SCN3A: variants seen among roughly 807,000 people sequenced by gnomAD.
SCN3A encodes the protein sodium voltage-gated channel alpha subunit 3.
Under a neutral mutation model 187.6 loss-of-function variants are expected in SCN3A, and 60 were observed. The observed-to-expected ratio is 0.32, with a 90% CI of 0.26 to 0.40. The LOEUF is 0.40. SCN3A is among the 10% of genes least tolerant of loss of function. The pLI, the probability that SCN3A is intolerant of heterozygous loss-of-function variation, is 1.00. For missense variants in SCN3A, 1,601 were observed against 2,428.2 expected (o/e 0.66, Z 7.16); for synonymous variants, 788 against 829.2 (o/e 0.95, Z 0.85).
intron 11 of SCN3A, among the ~76,000 whole-genome samples, chr2:165,153,350 A>C (rs917221933): frequency 6.6e-6 from 1 of 152,178 alleles, no homozygotes; most frequent in African/African-American, 2.4e-5. Flanking sequence ...AAGAAAATTT[A>C]GAAGAAAATA....
At chr2:165,159,096 A>G (rs1033973124) in intron 9 of SCN3A, among the ~76,000 whole-genome samples, 1 of 137,972 alleles carries the variant, frequency 7.2e-6, no homozygotes, top group Non-Finnish European at 1.5e-5. Context: ...CTGCATCCTC[A>G]TCAGAAGTTG....
At chr2:165,111,758 A>G (rs2105703283) in intron 21 of SCN3A, among the ~76,000 whole-genome samples, 1 of 152,318 alleles carries the variant, frequency 6.6e-6, no homozygotes, top group Middle Eastern at 3.4e-3. Flanking sequence ...ATGTGAAAAT[A>G]CTAAGTTTCC....
intron 12 of SCN3A, among the ~76,000 whole-genome samples, chr2:165,146,382 A>ATGTG (rs5836018): frequency 0.012 from 1,253 of 107,848 alleles, 9 homozygotes; most frequent in African/African-American, 0.031. Flanking sequence ...ATATATATAT[A>ATGTG]TGTGTGTGTG....
rs1553538414 is a variant in SCN3A at position 165,170,490 on chromosome 2, A to T, written c.323T>A (p.Leu108Ter). The change falls in exon 4 of 28, where the codon TTG (leucine) becomes TAG (stop). Residue 108 changes from leucine (L) to a stop codon, truncating the protein, a stop_gained. Coordinates refer to ENST00000283254, the MANE Select transcript of SCN3A (RefSeq NM_006922.4). LOFTEE classifies it high-confidence loss of function. ...AIFRFSATSA[L>*]YILTPLNPVR... Reference sequence around the variant, plus strand: ...AGGGTTTAGTGGAGTTAAAATATACAAGGCAGAGGTGGCACTGAATCGGAA... The same window carrying T: ...AGGGTTTAGTGGAGTTAAAATATACTAGGCAGAGGTGGCACTGAATCGGAA... 1 of 1,611,784 alleles carries T rather than the reference A, an allele frequency of 6.2e-7. No individual in the cohort carries two copies. The highest frequency in any genetic ancestry group is 8.5e-7 in the Non-Finnish European group (1 of 1,178,470).
At chr2:165,116,433 A>G (rs1397410288) in intron 18 of SCN3A, among the ~76,000 whole-genome samples, 2 of 152,236 alleles carry the variant, frequency 1.3e-5, no homozygotes, top group African/African-American at 2.4e-5. Context: ...ACTTGGGAAG[A>G]CAGGATTGTG....
chr2:165,189,059 T>C (rs1166662142), intron 1 of SCN3A, among the ~76,000 whole-genome samples: 1 of 152,170 alleles, frequency 6.6e-6, no homozygotes, highest in Admixed American at 6.5e-5. Flanking sequence ...TTTGGTGTAA[T>C]GTCCCCAGTA....
intron 18 of SCN3A, among the ~76,000 whole-genome samples, chr2:165,122,364 C>T (rs922205809): frequency 6.7e-6 from 1 of 150,302 alleles, no homozygotes; most frequent in Non-Finnish European, 1.5e-5. Flanking sequence ...CTGAAAGTGG[C>T]AGTACTATCA....
At chr2:165,200,280 T>G (rs1025273740) in intron 1 of SCN3A, among the ~76,000 whole-genome samples, 1 of 152,084 alleles carries the variant, frequency 6.6e-6, no homozygotes, top group African/African-American at 2.4e-5. Context: ...AATATTAAGG[T>G]GCGAATGAAT....
intron 6 of SCN3A, 188 bp from the exon 7 acceptor site, chr2:165,163,897 C>A: frequency 1.2e-6 from 2 of 1,612,764 alleles, no homozygotes. Context: ...TACATACCTG[C>A]AGAATTAAAT....
At chr2:165,188,908 G>A (rs541669472) in intron 1 of SCN3A, among the ~76,000 whole-genome samples, 1 of 152,098 alleles carries the variant, frequency 6.6e-6, no homozygotes, top group African/African-American at 2.4e-5. Flanking sequence ...GTCTGAGGTA[G>A]GGTCGAGGGA....
Position 165,118,392 on chromosome 2 carries a change from C to G in SCN3A, c.3394-2817G>C, listed in dbSNP as rs1369452799. ...ATAATCTTCCAGGCTCTAGAAAGCC[C>G]CTCAAGGAATGCTCAGAGGGAATCT... On this transcript the variant is annotated intron_variant, in intron 18 of 27. Transcript: ENST00000283254. 2.0e-5 allele frequency among the ~76,000 whole-genome samples: 3 copies of G among 152,118 alleles called. No homozygotes were observed. In the East Asian group the frequency reaches 5.8e-4, roughly 29 times the overall value.
intron 21 of SCN3A, among the ~76,000 whole-genome samples, chr2:165,105,639 A>T (rs1685814725): frequency 6.6e-6 from 1 of 152,136 alleles, no homozygotes; most frequent in African/African-American, 2.4e-5. Context: ...TAAGGTGTAC[A>T]GCAGGAATAG....
rs145857779 is a variant in SCN3A, at chr2:165,127,381, C to T, written c.3393+250G>A. Among the ~76,000 whole-genome samples, 680 of 152,218 alleles carry T rather than the reference C, an allele frequency of 4.5e-3. 2 individuals are homozygous for T. Among genetic ancestry groups the T allele is most frequent in the African/African-American group, 0.016 (649 of 41,536 alleles). ...CAGCCTAAAAGGCCACATTTTTTAA[C>T]CACATTTTCAAATGATCAAGAAAAT... is the stretch of plus-strand genomic sequence containing the variant. On this transcript the variant is annotated intron_variant, in intron 18 of 27. Transcript: ENST00000283254.
At chr2:165,136,614 C>A (rs568349481) in intron 15 of SCN3A, among the ~76,000 whole-genome samples, 3 of 152,208 alleles carry the variant, frequency 2.0e-5, no homozygotes, top group Non-Finnish European at 4.4e-5. Context: ...TTCCACTCCA[C>A]TGCAAAGTCT....
intron 21 of SCN3A, among the ~76,000 whole-genome samples, 194 bp downstream of exon 21, chr2:165,112,691 C>T (rs1206095597): frequency 6.6e-6 from 1 of 152,146 alleles, no homozygotes; most frequent in East Asian, 1.9e-4. Context: ...TTTGCTCTTA[C>T]CACTGCCCAT....
chr2:165,164,636 CCTTA>C (rs1689624394), intron 5 of SCN3A, 116 bp from the exon 6 acceptor site: 6 of 1,159,718 alleles, frequency 5.2e-6, no homozygotes, highest in South Asian at 1.4e-5. Flanking sequence ...AAATATTGTT[CCTTA>C]CTTCTATTTA....
At chr2:165,109,806 A>T (rs974216479) in intron 21 of SCN3A, among the ~76,000 whole-genome samples, 3 of 152,212 alleles carry the variant, frequency 2.0e-5, no homozygotes, top group Non-Finnish European at 4.4e-5. Context: ...TAATGTTAAC[A>T]TATATGATGT....
At chr2:165,166,105 C>A (rs1316360360) in intron 5 of SCN3A, among the ~76,000 whole-genome samples, 2 of 152,118 alleles carry the variant, frequency 1.3e-5, no homozygotes, top group Admixed American at 6.6e-5. Context: ...GTGGTTAGTG[C>A]CCTGTGGTTT....
Position 165,092,234 on chromosome 2 carries a change from G to C in SCN3A, c.4807+20C>G, listed in dbSNP as rs1245219667. The C allele has an allele frequency of 6.2e-7, 1 of 1,611,684 alleles. No homozygotes were observed. ...CTGTTTCTCTGTAACTATACCTCTTGGTAATTAAGCTGTTCTTACCTACAA... is the reference window on the plus strand; with the variant it reads ...CTGTTTCTCTGTAACTATACCTCTTCGTAATTAAGCTGTTCTTACCTACAA... On this transcript the variant is annotated intron_variant, in intron 27 of 27. Transcript: ENST00000283254. This position sits in a 1 kb window ranked among gnomAD's most constrained non-coding sequence, Gnocchi z 4.2.
Sources: gnomAD v4.1 joint callset for allele counts (sites outside exome capture counted in the v4.1 genomes callset) on GRCh38, gnomAD v4.1.1 for gene constraint, Gnocchi (gnomAD v3.1) non-coding constraint, MANE v1.5 for transcripts, NCBI Gene and HGNC (gene_info 2026-07-23, HGNC 2026-07-21) for gene names.